GREB1L: variants seen among roughly 807,000 people sequenced by gnomAD.
The protein encoded by GREB1L is GREB1-like protein.
A neutral mutation model predicts 200.8 loss-of-function variants in GREB1L; 17 were observed. That is an observed-to-expected ratio of 0.08 (90% CI 0.06 to 0.13). The LOEUF (loss-of-function observed/expected upper bound fraction) is 0.13. Ranked by LOEUF, GREB1L falls within the 10% of genes least tolerant of loss-of-function variation. GREB1L has a pLI of 1.00. For synonymous variants in GREB1L, 789 were observed against 893.0 expected (o/e 0.88, Z 2.08); for missense variants, 1,657 against 2,367.7 (o/e 0.70, Z 6.23).
chr18:21,429,260 GTCCTCTCCTC>G (rs1191794862), intron 7 of GREB1L, among the ~76,000 whole-genome samples: 3 of 75,156 alleles, frequency 4.0e-5, no homozygotes, highest in East Asian at 4.5e-4. Context: ...CTCCTCTCCT[GTCCTCTCCTC>G]TCCTCTCCTC....
chr18:21,301,799 C>T (rs1421987260), intron 1 of GREB1L, among the ~76,000 whole-genome samples: 1 of 152,140 alleles, frequency 6.6e-6, no homozygotes, highest in Non-Finnish European at 1.5e-5. Context: ...CAGCTCAGCT[C>T]AAACCAATTA....
At chr18:21,466,436 A>T (rs1187880885) in intron 15 of GREB1L, among the ~76,000 whole-genome samples, 6 of 152,120 alleles carry the variant, frequency 3.9e-5, no homozygotes, top group African/African-American at 1.4e-4. Context: ...TTTATTTTAA[A>T]ATAATTTTAG....
At chr18:21,495,310 G>A (rs1170152831) in intron 19 of GREB1L, among the ~76,000 whole-genome samples, 1 of 152,176 alleles carries the variant, frequency 6.6e-6, no homozygotes, top group African/African-American at 2.4e-5. Flanking sequence ...TTTCTCCAAT[G>A]TGTGAAGAAA....
At chr18:21,334,612 A>G (rs372514285) in intron 1 of GREB1L, among the ~76,000 whole-genome samples, 57 of 152,204 alleles carry the variant, frequency 3.7e-4, no homozygotes, top group African/African-American at 1.3e-3. Context: ...AAAACAAACA[A>G]CAACAAAAAA....
chr18:21,450,835 T>C (rs2034484837), intron 12 of GREB1L, 188 bp from the exon 13 acceptor site: 2 of 531,878 alleles, frequency 3.8e-6, no homozygotes, highest in Admixed American at 6.7e-5. Flanking sequence ...TTTCTGTTTC[T>C]GTCTAGAGTC....
chr18:21,423,352 G>A (rs374647891), intron 7 of GREB1L, among the ~76,000 whole-genome samples: 3 of 152,132 alleles, frequency 2.0e-5, no homozygotes, highest in East Asian at 3.8e-4. Context: ...TAGTTATTGA[G>A]TTGTTGGTTA....
intron 1 of GREB1L, among the ~76,000 whole-genome samples, chr18:21,319,109 G>T (rs2038914814): frequency 2.0e-5 from 3 of 152,228 alleles, no homozygotes. Flanking sequence ...AGAACAAGCA[G>T]ATATCCATTC....
At chr18:21,513,611 T>A (rs2037317195) in intron 27 of GREB1L, among the ~76,000 whole-genome samples, 1 of 152,242 alleles carries the variant, frequency 6.6e-6, no homozygotes, top group Non-Finnish European at 1.5e-5. Flanking sequence ...AATGCAGCTC[T>A]AGTAATGGAC....
At chr18:21,475,172 T>A (rs1303784168) in intron 16 of GREB1L, among the ~76,000 whole-genome samples, 2 of 152,164 alleles carry the variant, frequency 1.3e-5, no homozygotes, top group Non-Finnish European at 2.9e-5. Context: ...AAGGGAGATG[T>A]GCTTCCCTCT....
chr18:21,521,326 A>G (rs9304501), intron 32 of GREB1L, among the ~76,000 whole-genome samples: 143,809 of 151,144 alleles, frequency 0.95, 68,835 homozygotes, highest in East Asian at 1. Flanking sequence ...AGCCAAGATC[A>G]CGCCATTGCA....
chr18:21,396,149 A>G (rs2041055977), intron 5 of GREB1L, among the ~76,000 whole-genome samples: 1 of 150,920 alleles, frequency 6.6e-6, no homozygotes, highest in African/African-American at 2.4e-5. Context: ...GGTTCAAGCA[A>G]TCCTCCTGCC....
At chr18:21,395,193 A>G (rs762610115) in intron 4 of GREB1L, among the ~76,000 whole-genome samples, 192 bp from the exon 5 acceptor site, 3 of 151,816 alleles carry the variant, frequency 2.0e-5, no homozygotes, top group East Asian at 1.9e-4. Context: ...TTTCCTTTCA[A>G]TGTCTTTTCA....
chr18:21,403,791 G>A (rs2041415389), intron 6 of GREB1L, 81 bp from the exon 7 acceptor site: 3 of 1,212,018 alleles, frequency 2.5e-6, no homozygotes, highest in Middle Eastern at 1.9e-4. Flanking sequence ...TTAATTTAGA[G>A]ATTTTATGGA....
At chr18:21,243,261 C>G (rs1311228275) in intron 1 of GREB1L, among the ~76,000 whole-genome samples, 1 of 152,126 alleles carries the variant, frequency 6.6e-6, no homozygotes, top group African/African-American at 2.4e-5. Flanking sequence ...TGGGGTTTCT[C>G]AGTTACATGA....
intron 1 of GREB1L, among the ~76,000 whole-genome samples, chr18:21,350,339 GTGAGTCT>G (rs1226512065): frequency 2.0e-5 from 3 of 150,796 alleles, no homozygotes; most frequent in African/African-American, 7.3e-5. Flanking sequence ...CTGGGTTCAA[GTGAGTCT>G]CCTGCCTCAG....
intron 1 of GREB1L, among the ~76,000 whole-genome samples, chr18:21,346,900 C>T (rs376307453): frequency 2.0e-5 from 3 of 152,268 alleles, no homozygotes; most frequent in African/African-American, 7.2e-5. Flanking sequence ...GAACCTCATC[C>T]TGCAAGCATC....
chr18:21,314,174 A>G (rs974902967), intron 1 of GREB1L, among the ~76,000 whole-genome samples: 6 of 152,230 alleles, frequency 3.9e-5, no homozygotes, highest in East Asian at 1.9e-4. Context: ...AAGGTGGCCT[A>G]AGTATTGTGG....
At chr18:21,465,833 C>T (rs922496255) in intron 15 of GREB1L, among the ~76,000 whole-genome samples, 1 of 152,080 alleles carries the variant, frequency 6.6e-6, no homozygotes, top group Non-Finnish European at 1.5e-5. Flanking sequence ...GGAATGAGCA[C>T]TCATTACCCA....
chr18:21,261,599 A>G (rs1382660847), intron 1 of GREB1L, among the ~76,000 whole-genome samples: 1 of 151,978 alleles, frequency 6.6e-6, no homozygotes, highest in East Asian at 1.9e-4. Flanking sequence ...GTAGGCAGAA[A>G]ACCTCCTTGA....
Sources: allele counts gnomAD v4.1 joint callset (sites outside exome capture counted in the v4.1 genomes callset), GRCh38; gene constraint gnomAD v4.1.1; transcripts MANE v1.5; gene names NCBI Gene and HGNC (gene_info 2026-07-23, HGNC 2026-07-21).